The following PADI3 variants were observed in gnomAD, a reference collection of about 807,000 sequenced individuals.
The protein encoded by PADI3 is protein-arginine deiminase type-3.
In PADI3, 53 loss-of-function variants were observed where a neutral mutation model predicts 71.5. The observed-to-expected ratio is 0.74, with a 90% CI of 0.59 to 0.93. The LOEUF (loss-of-function observed/expected upper bound fraction) is 0.93, where lower values mean the gene tolerates loss of function less well. PADI3 is among the 40% of genes least tolerant of loss of function. The pLI is 0.00. For missense variants in PADI3, 821 were observed against 868.0 expected (o/e 0.95, Z 0.68); for synonymous variants, 361 against 347.5 (o/e 1.04, Z -0.43).
At position 17,259,633 on chromosome 1, in the gene PADI3, A is replaced by C; in HGVS notation, c.148A>C (p.Ile50Leu). The change falls in exon 2 of 16, where the codon ATC becomes CTC. Residue 50 changes from isoleucine (I) to leucine (L), a missense_variant. Physicochemically the swap from Ile to Leu is conservative, Grantham distance 5 (BLOSUM62 2). Transcript: ENST00000375460. ...GGTCTATGGGACGCCTGGCGTGGAC[A>C]TCTACATCTCTCCCAACATGGAGAG... Reference protein sequence around the residue: ...FEVYGTPGVDIYISPNMERGR... With the variant: ...FEVYGTPGVDLYISPNMERGR... 1 of 1,613,774 alleles carries C rather than the reference A, an allele frequency of 6.2e-7. No homozygotes were observed. The highest frequency in any genetic ancestry group is 8.5e-7 in the Non-Finnish European group (1 of 1,179,764).
chr1:17,275,435 T>TGA (rs2073315655), intron 11 of PADI3, among the ~76,000 whole-genome samples: 1 of 9,354 alleles, frequency 1.1e-4, no homozygotes, highest in Admixed American at 2.2e-3. Context: ...AGACTCCGTC[T>TGA]CAAAAAAAAA....
chr1:17,270,911 TGTGGTGTTCCGA>T lies in PADI3; in HGVS notation c.869_880del (p.Val290_Val293del), dbSNP rs1238506730. 1.9e-6 allele frequency: 3 copies of T among 1,613,958 alleles called. No homozygotes were observed. Among genetic ancestry groups the T allele is most frequent in the Non-Finnish European group, 2.5e-6 (3 of 1,180,010 alleles). ...CGGCATCCCCTATCTTCACTGACAC[TGTGGTGTTCCGA>T]GTGGCACCCTGGATCATGACGCCCA... On this transcript the variant is annotated inframe_deletion, in exon 8 of 16. Transcript: ENST00000375460.
rs1424064128 is a variant in PADI3 at position 17,276,860 on chromosome 1, G to A, written c.1539G>A (p.Leu513=). Residue 513 remains leucine, a synonymous_variant, in exon 13 of 16, where the codon CTG becomes CTA. Transcript: ENST00000375460. ...KQKCGHGRAL[L]FQGVVDDEQV... is the part of the protein sequence containing the mutation. Reference sequence around the variant, plus strand: ...AGTGTGGCCACGGGAGGGCCCTCCTGTTCCAGGGGGTTGTTGGTGGGTAAC... The same window carrying A: ...AGTGTGGCCACGGGAGGGCCCTCCTATTCCAGGGGGTTGTTGGTGGGTAAC... The A allele has an allele frequency of 6.2e-7, 1 of 1,611,972 alleles. No individual in the cohort carries two copies. Among genetic ancestry groups the A allele is most frequent in the Non-Finnish European group, 8.5e-7 (1 of 1,179,186 alleles).
rs958690877 is a variant in PADI3 at position 17,278,577 on chromosome 1, TGA to T, written c.1555+1713_1555+1714del. Among the ~76,000 whole-genome samples, 17 of 152,022 alleles carry T rather than the reference TGA, an allele frequency of 1.1e-4. 1 individual carries two copies. The highest frequency in any genetic ancestry group is 4.1e-4 in the African/African-American group (17 of 41,436). ...TTTTTGTTTTGCACTGGAAGAATTTTGAGAGAGAGAGAGCTGGCTGGACTGGA... is the reference window on the plus strand; with the variant it reads ...TTTTTGTTTTGCACTGGAAGAATTTTGAGAGAGAGAGCTGGCTGGACTGGA... On this transcript the variant is annotated intron_variant, in intron 13 of 15. Coordinates refer to ENST00000375460, the MANE Select transcript of PADI3 (RefSeq NM_016233.2).
intron 6 of PADI3, 79 bp downstream of exon 6, chr1:17,268,041 G>A (rs2073195321): frequency 6.5e-7 from 1 of 1,549,918 alleles, no homozygotes; most frequent in Non-Finnish European, 8.8e-7. Flanking sequence ...TTCCTGCCTT[G>A]GGCCATGGGC....
chr1:17,272,358 G>A (rs944567997), intron 9 of PADI3, among the ~76,000 whole-genome samples: 1 of 152,174 alleles, frequency 6.6e-6, no homozygotes, highest in African/African-American at 2.4e-5. Context: ...CCTCTTGGCC[G>A]GAGGTCAGTC....
At position 17,270,247 on chromosome 1, in the gene PADI3, T is replaced by A. The variant is rs781296784; in HGVS notation, c.667T>A (p.Cys223Ser). Residue 223 changes from cysteine (C) to serine (S), a missense_variant, in exon 7 of 16, where the codon TGT (cysteine) becomes AGT (serine). Transcript: ENST00000375460. The part of the protein sequence containing the change: ...VFHICGPEDV[C>S]EAYRHVLGQD... ...TCCCCTTCCAGGTCCTGAGGATGTG[T>A]GTGAGGCCTATAGGCATGTGCTGGG... 6.2e-7 allele frequency: 1 copy of A among 1,612,194 alleles called. No individual in the cohort carries two copies. The highest frequency in any genetic ancestry group is 8.5e-7 in the Non-Finnish European group (1 of 1,179,004).
At chr1:17,256,075 C>T (rs1196324300) in intron 1 of PADI3, among the ~76,000 whole-genome samples, 1 of 152,150 alleles carries the variant, frequency 6.6e-6, no homozygotes, top group East Asian at 1.9e-4. Flanking sequence ...GTGAAAACAC[C>T]TTCCCCTCAC....
intron 1 of PADI3, among the ~76,000 whole-genome samples, chr1:17,254,995 C>T (rs1466280208): frequency 3.9e-5 from 6 of 152,158 alleles, no homozygotes; most frequent in African/African-American, 1.4e-4. Context: ...GGATTATAGG[C>T]GTGAGCCACT....
intron 13 of PADI3, among the ~76,000 whole-genome samples, chr1:17,279,389 G>A (rs1011449342): frequency 5.3e-5 from 8 of 152,188 alleles, no homozygotes; most frequent in African/African-American, 1.9e-4. Context: ...AGAATGTGAG[G>A]CTCAGAGAGG....
intron 5 of PADI3, 66 bp from the exon 6 acceptor site, chr1:17,267,771 G>A: frequency 1.3e-6 from 2 of 1,587,048 alleles, no homozygotes; most frequent in Non-Finnish European, 1.7e-6. Context: ...AGGGAGCTGG[G>A]CAGCAGAGGA....
intron 4 of PADI3, 69 bp from the exon 5 acceptor site, chr1:17,266,650 G>A (rs1157397846): frequency 1.6e-5 from 21 of 1,339,076 alleles, no homozygotes; most frequent in Admixed American, 1.3e-4. Context: ...GGCCAGGCTC[G>A]GGTTCCTGGG....
intron 1 of PADI3, among the ~76,000 whole-genome samples, chr1:17,250,773 G>A (rs1164234862): frequency 2.0e-5 from 3 of 152,220 alleles, no homozygotes; most frequent in African/African-American, 4.8e-5. Context: ...TGACTCACCT[G>A]CCCCTGCTGC....
intron 14 of PADI3, 62 bp downstream of exon 14, chr1:17,280,491 G>A: frequency 6.6e-7 from 1 of 1,514,032 alleles, no homozygotes; most frequent in Non-Finnish European, 9.2e-7. Context: ...TGGAGGCAAG[G>A]ATGGGATACA....
chr1:17,276,657 T>C lies in PADI3; in HGVS notation c.1446T>C (p.Asp482=). The change falls in exon 12 of 16, where the codon GAT becomes GAC. Residue 482 remains aspartate (D), a synonymous_variant. Transcript: ENST00000375460. ...TTCTGAGCTTTGTCCCTGCCCCCGA[T>C]GGGAAGGTAAGAACTTCGTGCATGA... ...DEFLSFVPAP[D]GKGFRMLLAS... 1 of 1,614,060 alleles carries C rather than the reference T, an allele frequency of 6.2e-7. No homozygotes were observed.
rs1163722499 is a variant in PADI3 at position 17,270,888 on chromosome 1, G to T, written c.841G>T (p.Ala281Ser). The T allele has an allele frequency of 2.5e-6, 4 of 1,613,872 alleles. No homozygotes were observed. Among genetic ancestry groups the T allele is most frequent in the Admixed American group, 1.7e-5 (1 of 60,018 alleles). ...TGGTCTGCCCCTGCAGGATTTCTCG[G>T]CATCCCCTATCTTCACTGACACTGT... ...LLDDSNEDFS[A>S]SPIFTDTVVF... The change falls in exon 8 of 16, where the codon GCA becomes TCA. Residue 281 changes from alanine (A) to serine (S), a missense_variant. Coordinates refer to ENST00000375460, the MANE Select transcript of PADI3 (RefSeq NM_016233.2).
In PADI3 at chr1:17,283,741, C is replaced by T. The variant is rs1046928155; in HGVS notation, c.*662C>T. On this transcript the variant is annotated 3_prime_UTR_variant, in exon 16 of 16. Transcript: ENST00000375460. ...TTGTCCCTTAGCCTTATAAACTCCC[C>T]ATGATCTGACATGCAGAAATCCAGC... is the stretch of plus-strand genomic sequence containing the variant. 6.6e-6 allele frequency: 1 copy of T among 152,254 alleles called. No individual in the cohort carries two copies. The highest frequency in any genetic ancestry group is 1.5e-5 in the Non-Finnish European group (1 of 68,080). 9.4% of individuals were successfully genotyped at this position (152,254 alleles called of 1,614,324 possible). A position where few individuals can be genotyped will look rare whatever the true frequency, so the allele number is the denominator to read the frequency against.
intron 1 of PADI3, among the ~76,000 whole-genome samples, chr1:17,250,371 T>C (rs1333502071): frequency 6.6e-6 from 1 of 152,094 alleles, no homozygotes; most frequent in Non-Finnish European, 1.5e-5. Context: ...CACTCCCGAG[T>C]TGTGACAACC....
chr1:17,274,617 C>G lies in PADI3; in HGVS notation c.1156-18C>G. 1.9e-6 allele frequency: 3 copies of G among 1,602,372 alleles called. No individual in the cohort carries two copies. The highest frequency in any genetic ancestry group is 2.6e-6 in the Non-Finnish European group (3 of 1,171,696). ...CCTGGTACCCTCCACCCCCGCCTGA[C>G]TTGGTTTCCCTCTCCAGGGTCCAGA... On this transcript the variant is annotated intron_variant, in intron 10 of 15. Coordinates refer to ENST00000375460, the MANE Select transcript of PADI3 (RefSeq NM_016233.2).
Sources: allele counts gnomAD v4.1 joint callset (sites outside exome capture counted in the v4.1 genomes callset), GRCh38; gene constraint gnomAD v4.1.1; transcripts MANE v1.5; gene names NCBI Gene and HGNC (gene_info 2026-07-23, HGNC 2026-07-21).